Variants in MROH1 observed in about 807,000 individuals in gnomAD.
The protein encoded by MROH1 is maestro heat-like repeat-containing protein family member 1.
A neutral mutation model predicts 116.5 loss-of-function variants in MROH1; 117 were observed. The ratio of observed to expected loss-of-function variants is 1.00; its 90% CI spans 0.86 to 1.17. MROH1 has a LOEUF of 1.17. Ranked by LOEUF, MROH1 falls within the 50% of genes most tolerant of loss-of-function variation. The pLI is 0.00. For synonymous variants in MROH1, 921 were observed against 583.9 expected (o/e 1.58, Z -8.32); for missense variants, 1,873 against 1,338.5 (o/e 1.40, Z -6.23).
rs1439180333 is a variant in MROH1 at position 144,163,376 on chromosome 8, TG to T, written c.-56-394del. The stretch of plus-strand genomic sequence containing the variant: ...TCGATTCTTAGGGACCATTGTTGCA[TG>T]CAGTGGCGCATGGCATGTGATGTGT... On this transcript the variant is annotated intron_variant, in intron 2 of 43. Coordinates refer to ENST00000326134, the MANE Select transcript of MROH1 (RefSeq NM_032450.3). This position sits in a 1 kb window ranked among gnomAD's most constrained non-coding sequence, Gnocchi z 4.4. Among the ~76,000 whole-genome samples the T allele has an allele frequency of 6.6e-6, 1 of 152,236 alleles. No homozygotes were observed. Among genetic ancestry groups the T allele is most frequent in the African/African-American group, 2.4e-5 (1 of 41,470 alleles).
intron 4 of MROH1, chr8:144,174,746 G>A (rs1823403140): frequency 1.3e-6 from 1 of 792,022 alleles, no homozygotes; most frequent in African/African-American, 1.9e-5. Flanking sequence ...GCCTCCCAAA[G>A]TGCTGGGGTT....
intron 43 of MROH1, 38 bp from the exon 44 acceptor site, chr8:144,261,617 G>A: frequency 1.4e-6 from 1 of 702,216 alleles, no homozygotes. Context: ...GCATGCCGAG[G>A]TCACAGCCCG....
At position 144,197,417 on chromosome 8, in the gene MROH1, C is replaced by CTT. The variant is rs79749774; in HGVS notation, c.949-1670_949-1669dup. 1.7e-3 allele frequency among the ~76,000 whole-genome samples: 72 copies of CTT among 42,498 alleles called. 24 individuals are homozygous for CTT. Among genetic ancestry groups the CTT allele is most frequent in the African/African-American group, 5.6e-3 (43 of 7,674 alleles). The allele number at this position is 42,498 out of a possible 152,430, so 27.9% of individuals were successfully genotyped here. On this transcript the variant is annotated intron_variant, in intron 10 of 43. Coordinates refer to ENST00000326134, the MANE Select transcript of MROH1 (RefSeq NM_032450.3). The stretch of plus-strand genomic sequence containing the variant: ...AAGAGTGGGCAGGAAGCTGCAGCAT[C>CTT]TTTTTTTTTTTTTTTTTTTTTTTTT...
At chr8:144,188,554 CCTCCCGGATTCGAGTGATT>C in intron 7 of MROH1, among the ~76,000 whole-genome samples, 1 of 146,208 alleles carries the variant, frequency 6.8e-6, no homozygotes, top group Non-Finnish European at 1.5e-5. Context: ...GCAACCTCTG[CCTCCCGGATTCGAGTGATT>C]CTCCTGCTTC....
At chr8:144,231,387 G>A (rs550348522) in intron 14 of MROH1, among the ~76,000 whole-genome samples, 15 of 152,306 alleles carry the variant, frequency 9.8e-5, no homozygotes, top group East Asian at 1.9e-4. Context: ...AGGGGCGGCC[G>A]GGCAGAGGCA....
At chr8:144,202,236 C>CT (rs2131849010) in intron 12 of MROH1, among the ~76,000 whole-genome samples, 1 of 105,476 alleles carries the variant, frequency 9.5e-6, no homozygotes, top group East Asian at 3.0e-4. Context: ...TGGAGGCTGG[C>CT]GGGGGGAGAG....
In MROH1 at chr8:144,190,951, G is replaced by A; in HGVS notation, c.714+16G>A. The A allele has an allele frequency of 6.2e-7, 1 of 1,610,822 alleles. No individual in the cohort carries two copies. Among genetic ancestry groups the A allele is most frequent in the African/African-American group, 1.3e-5 (1 of 75,038 alleles). On this transcript the variant is annotated intron_variant, in intron 8 of 43. Transcript: ENST00000326134. ...AGAAGCCAAGGTATGCCCCGTGGCT[G>A]CATCAGTCCACGCCTGATGCCAGGG...
chr8:144,234,891 C>CTTTTTTTTT (rs781998549), intron 14 of MROH1, among the ~76,000 whole-genome samples: 4 of 103,566 alleles, frequency 3.9e-5, no homozygotes, highest in Non-Finnish European at 5.5e-5. Flanking sequence ...CTTTTTCTTT[C>CTTTTTTTTT]TTTTTTTTTT....
At chr8:144,232,703 T>C (rs111625565) in intron 14 of MROH1, among the ~76,000 whole-genome samples, 10,696 of 149,270 alleles carry the variant, frequency 0.072, 1,301 homozygotes, top group African/African-American at 0.26. Flanking sequence ...CCGTGTTAGC[T>C]AGGATGGTCT....
chr8:144,205,107 C>T (rs1421978109), intron 12 of MROH1, among the ~76,000 whole-genome samples: 1 of 152,182 alleles, frequency 6.6e-6, no homozygotes, highest in Non-Finnish European at 1.5e-5. Context: ...CCAGGCTGGT[C>T]TCCAACTCCT....
intron 7 of MROH1, among the ~76,000 whole-genome samples, chr8:144,181,824 C>T (rs546034007): frequency 2.3e-4 from 35 of 152,216 alleles, no homozygotes; most frequent in Non-Finnish European, 4.6e-4. Context: ...CTGTGCTGCA[C>T]GCACATCGCC....
chr8:144,214,192 G>A (rs1834785870), intron 12 of MROH1: 1 of 152,198 alleles, frequency 6.6e-6, no homozygotes, highest in African/African-American at 2.4e-5. Flanking sequence ...TCTTTCTGTG[G>A]CTCCCACATA....
Position 144,242,521 on chromosome 8 carries a change from C to T in MROH1, c.2325+6C>T. 1 of 780,618 alleles carries T rather than the reference C, an allele frequency of 1.3e-6. No homozygotes were observed. 48.4% of individuals were successfully genotyped at this position (780,618 alleles called of 1,614,324 possible). ...GCCAGCACTTCAGCACCAAGGTGGGCACTGCGGTGGGCCTGCCACGCAGGG... is the reference window on the plus strand; with the variant it reads ...GCCAGCACTTCAGCACCAAGGTGGGTACTGCGGTGGGCCTGCCACGCAGGG... On this transcript the variant is annotated splice_donor_region_variant and intron_variant, in intron 23 of 43. Transcript: ENST00000326134.
chr8:144,250,870 C>CCTCCCAG (rs1658406069), intron 33 of MROH1: 1 of 249,990 alleles, frequency 4.0e-6, no homozygotes, highest in South Asian at 4.8e-5. Context: ...CAAGCTCACA[C>CCTCCCAG]CTCCCAGCTC....
intron 35 of MROH1, among the ~76,000 whole-genome samples, 152 bp downstream of exon 35, chr8:144,255,857 G>A (rs1843647875): frequency 6.6e-6 from 1 of 152,236 alleles, no homozygotes; most frequent in Admixed American, 6.5e-5. Flanking sequence ...CCCAGGTGCA[G>A]GGCTGAGCTG....
intron 3 of MROH1, 145 bp from the exon 4 acceptor site, chr8:144,168,150 A>G (rs767107903): frequency 1.3e-5 from 13 of 969,872 alleles, no homozygotes; most frequent in Middle Eastern, 3.4e-4. Flanking sequence ...GAGGTTATAC[A>G]AGAGAGAAAG....
rs778259777 is a variant in MROH1 at position 144,190,894 on chromosome 8, G to A, written c.673G>A (p.Asp225Asn). ...AFATDIFSAY[D>N]VLFHQWLQSR... ...TGCCACCGACATCTTCAGCGCCTAC[G>A]ATGTTCTCTTCCATCAGTGGCTGCA... The change falls in exon 8 of 44, where the codon GAT becomes AAT. Residue 225 changes from aspartate (D) to asparagine (N), a missense_variant. Asp to Asn is a conservative substitution (Grantham distance 23, BLOSUM62 1). Transcript: ENST00000326134. 6 of 1,613,676 alleles carry A rather than the reference G, an allele frequency of 3.7e-6. No individual in the cohort carries two copies. Among genetic ancestry groups the A allele is most frequent in the Non-Finnish European group, 5.1e-6 (6 of 1,179,874 alleles).
At chr8:144,208,157 T>C (rs1371412684) in intron 12 of MROH1, among the ~76,000 whole-genome samples, 3 of 152,258 alleles carry the variant, frequency 2.0e-5, no homozygotes, top group African/African-American at 7.2e-5. Flanking sequence ...TTGATCAGGC[T>C]GGTCTCAAAC....
intron 3 of MROH1, among the ~76,000 whole-genome samples, chr8:144,164,685 A>G (rs975420955): frequency 3.2e-4 from 49 of 152,120 alleles, no homozygotes; most frequent in African/African-American, 1.1e-3. Context: ...GGCATGAGCC[A>G]CTGCGCCCGG....
Sources: gnomAD v4.1 joint callset for allele counts (sites outside exome capture counted in the v4.1 genomes callset) on GRCh38, gnomAD v4.1.1 for gene constraint, Gnocchi (gnomAD v3.1) non-coding constraint, MANE v1.5 for transcripts, NCBI Gene and HGNC (gene_info 2026-07-23, HGNC 2026-07-21) for gene names.